Variants in SFRP1 observed in about 807,000 individuals in gnomAD.
SFRP1 encodes secreted frizzled-related protein 1.
Under a neutral mutation model 25.9 loss-of-function variants are expected in SFRP1, and 9 were observed. That is an observed-to-expected ratio of 0.35 (90% confidence interval 0.21 to 0.61). The LOEUF is 0.61. SFRP1 is among the 20% of genes least tolerant of loss of function. The pLI, the probability that SFRP1 is intolerant of heterozygous loss-of-function variation, is 0.78. For missense variants in SFRP1, 346 were observed against 418.2 expected (o/e 0.83, Z 1.51); for synonymous variants, 178 against 174.0 (o/e 1.02, Z -0.18).
intron 2 of SFRP1, among the ~76,000 whole-genome samples, chr8:41,295,151 A>G (rs1476333770): frequency 6.6e-6 from 1 of 152,216 alleles, no homozygotes; most frequent in Non-Finnish European, 1.5e-5. Context: ...TCACGAGGTC[A>G]GGAGTTCAAG....
chr8:41,272,811 T>C (rs572603911), intron 2 of SFRP1, among the ~76,000 whole-genome samples: 7 of 152,064 alleles, frequency 4.6e-5, no homozygotes, highest in African/African-American at 1.7e-4. Context: ...AAAGAAATAA[T>C]ACAAGAAAAC....
At chr8:41,307,013 C>T in intron 1 of SFRP1, 1 of 1,445,062 alleles carries the variant, frequency 6.9e-7, no homozygotes, top group Admixed American at 2.5e-5. Context: ...AGAAAGAGAC[C>T]ATCGGAAGCC....
intron 1 of SFRP1, among the ~76,000 whole-genome samples, chr8:41,307,739 TC>T (rs1563368899): frequency 6.6e-6 from 1 of 152,172 alleles, no homozygotes; most frequent in Admixed American, 6.5e-5. Context: ...TTTTTTTTCT[TC>T]CCCCTCAAGA....
In SFRP1 at chr8:41,308,667, C is replaced by T; in HGVS notation, c.493G>A (p.Val165Ile). The T allele has an allele frequency of 3.1e-6, 5 of 1,610,510 alleles. No individual in the cohort carries two copies. Among genetic ancestry groups the T allele is most frequent in the Non-Finnish European group, 3.4e-6 (4 of 1,178,040 alleles). Residue 165 changes from valine (V) to isoleucine (I), a missense_variant, in exon 1 of 3, where the codon GTC becomes ATC. Transcript: ENST00000220772. ...TTGGGCGGCGTCATGGCGATGCAGA[C>T]GTCCCCCTCGGGGAACTTGTCACAC... ...LKCDKFPEGD[V>I]CIAMTPPNAT...
chr8:41,278,645 G>T (rs1289070776), intron 2 of SFRP1, among the ~76,000 whole-genome samples: 1 of 152,186 alleles, frequency 6.6e-6, no homozygotes, highest in Admixed American at 6.5e-5. Flanking sequence ...TTGCTTGCAT[G>T]TGCCCGAGGC....
chr8:41,280,937 C>T (rs1005092253), intron 2 of SFRP1, among the ~76,000 whole-genome samples: 1 of 152,354 alleles, frequency 6.6e-6, no homozygotes, highest in Non-Finnish European at 1.5e-5. Context: ...AGTGGCTCCA[C>T]AACAGACAGA....
rs576108461 is a variant in SFRP1 at position 41,290,218 on chromosome 8, T to A, written c.622+13243A>T. Among the ~76,000 whole-genome samples, 3 of 152,354 alleles carry A rather than the reference T, an allele frequency of 2.0e-5. No individual in the cohort carries two copies. In the East Asian group the frequency reaches 5.8e-4, roughly 29 times the overall value. Reference sequence around the variant, plus strand: ...ACACATAGGCATCGACAGACACCCATATCTCGCAGATATAACCCCACGTGC... The same window carrying A: ...ACACATAGGCATCGACAGACACCCAAATCTCGCAGATATAACCCCACGTGC... On this transcript the variant is annotated intron_variant, in intron 2 of 2. Coordinates refer to ENST00000220772, the MANE Select transcript of SFRP1 (RefSeq NM_003012.5).
rs1317178292 is a variant in SFRP1 at position 41,263,988 on chromosome 8, G to T, written c.*1179C>A. ...CGGAAAGCTCTGTGAGTTTTGCTAG[G>T]GGGTGTTAGGTTCTAGGGCAACCAC... is the stretch of plus-strand genomic sequence containing the variant. On this transcript the variant is annotated 3_prime_UTR_variant, in exon 3 of 3. Coordinates refer to ENST00000220772, the MANE Select transcript of SFRP1 (RefSeq NM_003012.5). The T allele has an allele frequency of 3.9e-5, 6 of 152,168 alleles. No individual in the cohort carries two copies. The highest frequency in any genetic ancestry group is 9.7e-5 in the African/African-American group (4 of 41,448). 9.4% of individuals were successfully genotyped at this position (152,168 alleles called of 1,614,324 possible). A position where few individuals can be genotyped will look rare whatever the true frequency, so the allele number is the denominator to read the frequency against.
intron 2 of SFRP1, among the ~76,000 whole-genome samples, chr8:41,294,244 G>A (rs77744593): frequency 0.019 from 2,919 of 152,228 alleles, 42 homozygotes; most frequent in Middle Eastern, 0.031. Context: ...ATCCAGGCTC[G>A]TTTCTAGCTC....
In SFRP1 at chr8:41,289,886, C is replaced by T. The variant is rs546618572; in HGVS notation, c.622+13575G>A. On this transcript the variant is annotated intron_variant, in intron 2 of 2. Transcript: ENST00000220772. ...TGGAGGATAGTGGATTAGCAGCATG[C>T]TCTAGACAGTGTCTCTCTCAAGTGC... 1.4e-4 allele frequency among the ~76,000 whole-genome samples: 21 copies of T among 152,378 alleles called. No homozygotes were observed. In the South Asian group the frequency reaches 4.3e-3, roughly 32 times the overall value.
Position 41,265,112 on chromosome 8 carries a change from T to TCCCCCCCCCCACCCCCC in SFRP1, c.*54_*55insGGGGGGTGGGGGGGGGG. The TCCCCCCCCCCACCCCCC allele has an allele frequency of 1.9e-6, 1 of 517,772 alleles. No individual in the cohort carries two copies. Among genetic ancestry groups the TCCCCCCCCCCACCCCCC allele is most frequent in the Non-Finnish European group, 3.6e-6 (1 of 279,104 alleles). The allele number at this position is 517,772 out of a possible 1,614,324, so 32.1% of individuals were successfully genotyped here. On this transcript the variant is annotated 3_prime_UTR_variant, in exon 3 of 3. Coordinates refer to ENST00000220772, the MANE Select transcript of SFRP1 (RefSeq NM_003012.5). ...GACCCACCGGGTTCCCGGGGCACTG[T>TCCCCCCCCCCACCCCCC]CCCCCCCGCTCCCACCCCACCCGAG... is the stretch of plus-strand genomic sequence containing the variant.
At chr8:41,302,931 C>T (rs559873124) in intron 2 of SFRP1, among the ~76,000 whole-genome samples, 2 of 152,026 alleles carry the variant, frequency 1.3e-5, no homozygotes, top group South Asian at 4.2e-4. Flanking sequence ...CCTCGCGGAA[C>T]CTGATGAGGA....
intron 2 of SFRP1, among the ~76,000 whole-genome samples, chr8:41,272,552 T>C (rs1251074988): frequency 6.6e-6 from 1 of 152,212 alleles, no homozygotes; most frequent in Non-Finnish European, 1.5e-5. Context: ...GAGGTTGCAG[T>C]GAGCTGAGAT....
chr8:41,288,156 A>ACCAGGC (rs1337262964), intron 2 of SFRP1, among the ~76,000 whole-genome samples: 1 of 152,066 alleles, frequency 6.6e-6, no homozygotes, highest in Non-Finnish European at 1.5e-5. Flanking sequence ...TCAGGAGTTC[A>ACCAGGC]AGATCAGCCT....
intron 2 of SFRP1, among the ~76,000 whole-genome samples, chr8:41,285,646 A>G (rs914663207): frequency 1.3e-5 from 2 of 152,154 alleles, no homozygotes; most frequent in African/African-American, 4.8e-5. Context: ...CCACAGTCAG[A>G]TACAACAGCA....
intron 2 of SFRP1, among the ~76,000 whole-genome samples, chr8:41,270,500 T>C (rs1366270047): frequency 6.6e-6 from 1 of 151,896 alleles, no homozygotes; most frequent in African/African-American, 2.4e-5. Context: ...AACAAGCCCA[T>C]TTGCACTCCA....
chr8:41,290,876 TCTTCCTC>T (rs71546373), intron 2 of SFRP1, among the ~76,000 whole-genome samples: 18,453 of 129,700 alleles, frequency 0.14, 1,956 homozygotes, highest in East Asian at 0.31. Flanking sequence ...CTTCTCCTCC[TCTTCCTC>T]GTCTTTTTTT....
chr8:41,304,823 G>C (rs971374034), intron 1 of SFRP1, among the ~76,000 whole-genome samples: 2 of 152,238 alleles, frequency 1.3e-5, no homozygotes, highest in South Asian at 4.1e-4. Context: ...GCAGGGCCCA[G>C]CAGAGACCCC....
At chr8:41,304,345 A>G (rs934385400) in intron 1 of SFRP1, among the ~76,000 whole-genome samples, 3 of 152,026 alleles carry the variant, frequency 2.0e-5, no homozygotes, top group African/African-American at 7.2e-5. Context: ...GAGGTAAAGG[A>G]CTCCAGCTTC....
Sources: allele counts gnomAD v4.1 joint callset (sites outside exome capture counted in the v4.1 genomes callset), GRCh38; gene constraint gnomAD v4.1.1; transcripts MANE v1.5; gene names NCBI Gene and HGNC (gene_info 2026-07-23, HGNC 2026-07-21).